The following CPED1 variants were observed in gnomAD, a reference collection of about 807,000 sequenced individuals.
CPED1 encodes cadherin-like and PC-esterase domain-containing protein 1.
In CPED1, 114 loss-of-function variants were observed where a neutral mutation model predicts 128.2. That is an observed-to-expected ratio of 0.89 (90% CI 0.76 to 1.04). CPED1 has a LOEUF of 1.04. Ranked by LOEUF, CPED1 falls within the 50% of genes least tolerant of loss-of-function variation. CPED1 has a pLI of 0.00. For missense variants in CPED1, 1,211 were observed against 1,207.1 expected (o/e 1.00, Z -0.05); for synonymous variants, 462 against 426.7 (o/e 1.08, Z -1.02).
intron 7 of CPED1, among the ~76,000 whole-genome samples, chr7:121,103,388 C>A (rs945384135): frequency 6.6e-6 from 1 of 152,142 alleles, no homozygotes; most frequent in South Asian, 2.1e-4. Context: ...TTCAAAGTTA[C>A]GCTTGATGAT....
intron 16 of CPED1, among the ~76,000 whole-genome samples, chr7:121,212,160 A>C (rs1193939621): frequency 6.6e-6 from 1 of 152,032 alleles, no homozygotes; most frequent in African/African-American, 2.4e-5. Flanking sequence ...GGTTCTGAAC[A>C]AACTGCTTCA....
At chr7:121,261,472 C>T (rs542841240) in intron 18 of CPED1, among the ~76,000 whole-genome samples, 24 of 152,176 alleles carry the variant, frequency 1.6e-4, no homozygotes, top group African/African-American at 5.8e-4. Flanking sequence ...TTTCTCTTCT[C>T]CATAGCACAC....
intron 4 of CPED1, among the ~76,000 whole-genome samples, chr7:121,058,594 G>A (rs1400541722): frequency 6.6e-6 from 1 of 152,170 alleles, no homozygotes; most frequent in African/African-American, 2.4e-5. Context: ...AGACCTCCTA[G>A]CTAATAAAAC....
chr7:121,161,456 T>C (rs527705677), intron 16 of CPED1, among the ~76,000 whole-genome samples: 55 of 152,308 alleles, frequency 3.6e-4, no homozygotes, highest in Non-Finnish European at 1.2e-4. Flanking sequence ...CCCAGGATTT[T>C]TCTCTCTCTG....
rs566267597 is a variant in CPED1, at chr7:121,272,247, T to G, written c.2868+817T>G. Among the ~76,000 whole-genome samples, 3 of 152,268 alleles carry G rather than the reference T, an allele frequency of 2.0e-5. No homozygotes were observed. The South Asian group carries it at 6.2e-4, about 32-fold the overall frequency. ...GACACTTATTTGCCATTTCCCCATC[T>G]TCCTTCTCTACTTTTATTCTTCTAC... On this transcript the variant is annotated intron_variant, in intron 22 of 22. Coordinates refer to ENST00000310396, the MANE Select transcript of CPED1 (RefSeq NM_024913.5).
chr7:121,249,995 C>T (rs1371559021), intron 18 of CPED1, among the ~76,000 whole-genome samples: 1 of 152,188 alleles, frequency 6.6e-6, no homozygotes, highest in Non-Finnish European at 1.5e-5. Context: ...CAGAACTCTC[C>T]ACCCCAAATC....
rs187678431 is a variant in CPED1 at position 121,138,249 on chromosome 7, C to T, written c.1699+2159C>T. Among the ~76,000 whole-genome samples, 61 of 152,092 alleles carry T rather than the reference C, an allele frequency of 4.0e-4. 1 individual carries two copies. In the East Asian group the frequency reaches 7.8e-3, roughly 19 times the overall value. On this transcript the variant is annotated intron_variant, in intron 14 of 22. Coordinates refer to ENST00000310396, the MANE Select transcript of CPED1 (RefSeq NM_024913.5). Reference sequence around the variant, plus strand: ...GCAGTTAAAAGAAATCCATTAAAAGCGACCAAAACTTCAAACAGCTTTCCC... The same window carrying T: ...GCAGTTAAAAGAAATCCATTAAAAGTGACCAAAACTTCAAACAGCTTTCCC...
chr7:121,114,405 T>G (rs1175560396), intron 7 of CPED1, among the ~76,000 whole-genome samples: 1 of 152,214 alleles, frequency 6.6e-6, no homozygotes, highest in Non-Finnish European at 1.5e-5. Context: ...CCTTACACCC[T>G]TGAGTTCTAT....
intron 16 of CPED1, among the ~76,000 whole-genome samples, chr7:121,195,577 A>G (rs574277053): frequency 4.1e-4 from 63 of 152,296 alleles, no homozygotes; most frequent in African/African-American, 1.4e-3. Context: ...AAAAGTTTAG[A>G]TAAGTCATGG....
At chr7:121,196,961 A>G (rs1296303096) in intron 16 of CPED1, among the ~76,000 whole-genome samples, 1 of 152,078 alleles carries the variant, frequency 6.6e-6, no homozygotes, top group African/African-American at 2.4e-5. Context: ...TGTTTTGTGT[A>G]TGTTTATTAA....
intron 7 of CPED1, among the ~76,000 whole-genome samples, chr7:121,111,085 A>G (rs1795095873): frequency 6.6e-6 from 1 of 152,094 alleles, no homozygotes; most frequent in South Asian, 2.1e-4. Context: ...AGGAATGGGA[A>G]AGAGAAATGT....
intron 16 of CPED1, among the ~76,000 whole-genome samples, chr7:121,170,577 C>T (rs543907914): frequency 2.0e-5 from 3 of 152,224 alleles, no homozygotes; most frequent in African/African-American, 7.2e-5. Flanking sequence ...ATTATTAGTA[C>T]ATACCAGCTA....
chr7:121,255,428 G>A lies in CPED1; in HGVS notation c.2311-10799G>A, dbSNP rs79829932. Among the ~76,000 whole-genome samples the A allele has an allele frequency of 9.7e-3, 1,477 of 152,072 alleles. 12 individuals carry two copies. Among genetic ancestry groups the A allele is most frequent in the Non-Finnish European group, 0.016 (1,086 of 67,938 alleles). On this transcript the variant is annotated intron_variant, in intron 18 of 22. Transcript: ENST00000310396. ...AAGAACATACTTCAAAATAATAAGA[G>A]CCATCTATGACAAACCCACAGCTAA... is the stretch of plus-strand genomic sequence containing the variant.
chr7:121,014,577 TAA>T (rs1792253948), intron 2 of CPED1, among the ~76,000 whole-genome samples: 2 of 140,530 alleles, frequency 1.4e-5, no homozygotes. Flanking sequence ...ATAATAATAA[TAA>T]AATAAAATAA....
chr7:121,087,432 T>C (rs1794451471), intron 5 of CPED1, among the ~76,000 whole-genome samples: 1 of 152,134 alleles, frequency 6.6e-6, no homozygotes, highest in African/African-American at 2.4e-5. Flanking sequence ...AAAGACTTGG[T>C]TCCCAAATTA....
chr7:121,124,919 C>T (rs2116315624), intron 8 of CPED1, among the ~76,000 whole-genome samples: 1 of 152,224 alleles, frequency 6.6e-6, no homozygotes, highest in Admixed American at 6.5e-5. Context: ...GTTTACTTGA[C>T]TATAACTTAT....
At chr7:121,216,763 A>T (rs1461843140) in intron 16 of CPED1, among the ~76,000 whole-genome samples, 1 of 152,052 alleles carries the variant, frequency 6.6e-6, no homozygotes, top group Non-Finnish European at 1.5e-5. Flanking sequence ...CTCTGTATGG[A>T]GAATAACCTC....
chr7:121,206,737 T>C (rs1052290971), intron 16 of CPED1, among the ~76,000 whole-genome samples: 1 of 151,968 alleles, frequency 6.6e-6, no homozygotes, highest in African/African-American at 2.4e-5. Flanking sequence ...TTAATGTTTT[T>C]TAACGGCTGA....
At chr7:121,227,318 T>G (rs1352115677) in intron 16 of CPED1, among the ~76,000 whole-genome samples, 1 of 152,066 alleles carries the variant, frequency 6.6e-6, no homozygotes, top group Non-Finnish European at 1.5e-5. Flanking sequence ...GAAGCCGTGT[T>G]TTGAATGTTT....
Sources: allele counts gnomAD v4.1 joint callset (sites outside exome capture counted in the v4.1 genomes callset), GRCh38; gene constraint gnomAD v4.1.1; transcripts MANE v1.5; gene names NCBI Gene and HGNC (gene_info 2026-07-23, HGNC 2026-07-21).